MCF2L2: variants seen among roughly 807,000 people sequenced by gnomAD.
The protein encoded by MCF2L2 is probable guanine nucleotide exchange factor MCF2L2.
A neutral mutation model predicts 150.2 loss-of-function variants in MCF2L2; 102 were observed. That is an observed-to-expected ratio of 0.68 (90% CI 0.58 to 0.80). MCF2L2 has a LOEUF of 0.80. Ranked by LOEUF, MCF2L2 falls within the 30% of genes least tolerant of loss-of-function variation. The pLI is 0.00. For synonymous variants in MCF2L2, 465 were observed against 491.3 expected (o/e 0.95, Z 0.71); for missense variants, 1,256 against 1,372.8 (o/e 0.91, Z 1.34).
rs967084985 is a variant in MCF2L2, at chr3:183,297,453, T to C, written c.1306-286A>G. ...TGCTACATCTCCAGGAGGAGACAGC[T>C]AAATATATATTTAATTAAAGACAGG... On this transcript the variant is annotated intron_variant, in intron 11 of 29. Transcript: ENST00000328913. 4.8e-5 allele frequency: 16 copies of C among 333,710 alleles called. 1 individual carries two copies. The allele number at this position is 333,710 out of a possible 1,614,324, so 20.7% of individuals were successfully genotyped here. A position where few individuals can be genotyped will look rare whatever the true frequency, so the allele number is the denominator to read the frequency against.
chr3:183,339,702 T>A (rs1263460014), intron 4 of MCF2L2, among the ~76,000 whole-genome samples: 2 of 152,166 alleles, frequency 1.3e-5, no homozygotes, highest in African/African-American at 2.4e-5. Flanking sequence ...CAGGTCTCCA[T>A]GGAAACTGCC....
chr3:183,382,761 G>T (rs548219002), intron 2 of MCF2L2, among the ~76,000 whole-genome samples: 1 of 152,286 alleles, frequency 6.6e-6, no homozygotes, highest in African/African-American at 2.4e-5. Context: ...TTCATTAAGT[G>T]AAAGACAAAT....
chr3:183,414,218 G>A (rs1454835126), intron 1 of MCF2L2, among the ~76,000 whole-genome samples: 1 of 152,106 alleles, frequency 6.6e-6, no homozygotes, highest in Non-Finnish European at 1.5e-5. Context: ...TTTTTTGTGC[G>A]GGTGGGTAAG....
intron 25 of MCF2L2, 80 bp from the exon 26 acceptor site, chr3:183,195,335 C>T (rs1207167940): frequency 9.6e-5 from 84 of 873,696 alleles, no homozygotes; most frequent in Non-Finnish European, 5.7e-6. Context: ...TTTTTAAATA[C>T]ACATATATGC....
intron 3 of MCF2L2, among the ~76,000 whole-genome samples, chr3:183,371,723 C>A (rs1017162144): frequency 1.3e-5 from 2 of 151,806 alleles, no homozygotes; most frequent in Non-Finnish European, 2.9e-5. Context: ...AGTGATTCAC[C>A]CTCCTCAGCC....
At chr3:183,255,846 C>G (rs766877818) in intron 15 of MCF2L2, among the ~76,000 whole-genome samples, 1 of 150,758 alleles carries the variant, frequency 6.6e-6, no homozygotes, top group Non-Finnish European at 1.5e-5. Context: ...TTCTAATTCT[C>G]AAAAATAGAA....
chr3:183,409,556 T>C lies in MCF2L2; in HGVS notation c.76+18346A>G, dbSNP rs548946373. 5.6e-3 allele frequency among the ~76,000 whole-genome samples: 832 copies of C among 149,228 alleles called. 4 individuals are homozygous for C. The highest frequency in any genetic ancestry group is 0.019 in the African/African-American group (792 of 40,738). On this transcript the variant is annotated intron_variant, in intron 1 of 29. Transcript: ENST00000328913. Reference sequence around the variant, plus strand: ...ATAAATGGTAGCTAAAATTTCTTTTTTTTTTTTTTTTTTTTGAGATGGAGT... The same window carrying C: ...ATAAATGGTAGCTAAAATTTCTTTTCTTTTTTTTTTTTTTTGAGATGGAGT...
intron 14 of MCF2L2, among the ~76,000 whole-genome samples, chr3:183,278,194 ATAT>A (rs1251085695): frequency 2.2e-5 from 3 of 137,696 alleles, no homozygotes; most frequent in African/African-American, 9.5e-5. Context: ...AAAAGAAAAA[ATAT>A]ATATATATAT....
chr3:183,272,713 A>G, intron 15 of MCF2L2: 2 of 1,021,724 alleles, frequency 2.0e-6, no homozygotes, highest in Non-Finnish European at 1.2e-6. Flanking sequence ...AGCATATTTG[A>G]CCAAGCAACA....
intron 12 of MCF2L2, chr3:183,296,547 T>A (rs1185299279): frequency 6.2e-6 from 1 of 161,576 alleles, no homozygotes; most frequent in Non-Finnish European, 1.4e-5. Flanking sequence ...CCAGTCCAGG[T>A]CAAGTTCCTC....
At position 183,270,651 on chromosome 3, in the gene MCF2L2, T is replaced by C. The variant is rs139703393; in HGVS notation, c.1862+6221A>G. The C allele has an allele frequency of 6.0e-5, 97 of 1,614,080 alleles. No individual in the cohort carries two copies. The highest frequency in any genetic ancestry group is 8.2e-5 in the Non-Finnish European group (97 of 1,180,042). ...TTCAAGTCTTTACATAGACGATGTG[T>C]TCATGGGCCTCTGTGCCAATAAAAT... On this transcript the variant is annotated intron_variant, in intron 15 of 29. Transcript: ENST00000328913. This position sits in a 1 kb window ranked among gnomAD's most constrained non-coding sequence, Gnocchi z 4.5.
intron 1 of MCF2L2, among the ~76,000 whole-genome samples, chr3:183,426,009 A>C (rs11923821): frequency 6.6e-6 from 1 of 152,014 alleles, no homozygotes. Flanking sequence ...TCATTTGTAA[A>C]ATAGGGGTAG....
intron 1 of MCF2L2, among the ~76,000 whole-genome samples, chr3:183,408,405 C>A (rs1715151647): frequency 6.6e-6 from 1 of 152,238 alleles, no homozygotes; most frequent in South Asian, 2.1e-4. Context: ...TTCATTCCTC[C>A]TGGCCCCCAT....
chr3:183,229,811 CA>C (rs1723480555), intron 16 of MCF2L2, 30 bp from the exon 17 acceptor site: 1 of 930,348 alleles, frequency 1.1e-6, no homozygotes, highest in African/African-American at 1.7e-5. Flanking sequence ...GTAGGTGTTA[CA>C]AACAGGAACA....
rs1723253584 is a variant in MCF2L2 at position 183,223,982 on chromosome 3, TTAA to T, written c.2208+113_2208+115del. On this transcript the variant is annotated intron_variant, in intron 19 of 29. Transcript: ENST00000328913. ...GTGTAATTTCAAAGTATGGGACACT[TTAA>T]ATAAACATAAATCGCAATGCCAAGT... is the stretch of plus-strand genomic sequence containing the variant. The T allele has an allele frequency of 5.0e-6, 4 of 793,390 alleles. No homozygotes were observed. The Admixed American group carries it at 7.9e-5, about 16-fold the overall frequency. 49.1% of individuals were successfully genotyped at this position (793,390 alleles called of 1,614,324 possible).
chr3:183,351,436 C>T (rs1424690692), intron 3 of MCF2L2, among the ~76,000 whole-genome samples: 1 of 151,680 alleles, frequency 6.6e-6, no homozygotes, highest in African/African-American at 2.4e-5. Flanking sequence ...AATTTTATTG[C>T]ATTGCCATCA....
intron 1 of MCF2L2, among the ~76,000 whole-genome samples, chr3:183,412,815 G>T (rs1275148861): frequency 1.3e-5 from 2 of 152,138 alleles, no homozygotes; most frequent in Non-Finnish European, 2.9e-5. Flanking sequence ...GTCTTTGGGG[G>T]AAAGCATTCA....
chr3:183,204,015 T>A (rs4630966), intron 25 of MCF2L2, among the ~76,000 whole-genome samples: 14 of 152,074 alleles, frequency 9.2e-5, no homozygotes, highest in Admixed American at 3.3e-4. Flanking sequence ...CCATTCAAAG[T>A]GGGGAAAGAA....
chr3:183,217,623 A>G (rs1722994190), intron 21 of MCF2L2, among the ~76,000 whole-genome samples: 1 of 152,234 alleles, frequency 6.6e-6, no homozygotes, highest in Non-Finnish European at 1.5e-5. Context: ...AAAGAACTCC[A>G]TAGAGGCTGC....
Sources: gnomAD v4.1 joint callset for allele counts (sites outside exome capture counted in the v4.1 genomes callset) on GRCh38, gnomAD v4.1.1 for gene constraint, Gnocchi (gnomAD v3.1) non-coding constraint, MANE v1.5 for transcripts, NCBI Gene and HGNC (gene_info 2026-07-23, HGNC 2026-07-21) for gene names.